The following NSD1 variants were observed in gnomAD, a reference collection of about 807,000 sequenced individuals.
NSD1 encodes histone-lysine N-methyltransferase, H3 lysine-36 specific.
In NSD1, 26 loss-of-function variants were observed where a neutral mutation model predicts 242.7. That is an observed-to-expected ratio of 0.11 (90% CI 0.08 to 0.15). The LOEUF (loss-of-function observed/expected upper bound fraction) is 0.15. NSD1 is among the 10% of genes least tolerant of loss of function. NSD1 has a pLI of 1.00. For synonymous variants in NSD1, 1,106 were observed against 1,178.1 expected (o/e 0.94, Z 1.25); for missense variants, 2,495 against 3,272.8 (o/e 0.76, Z 5.80).
chr5:177,266,488 T>C, intron 14 of NSD1: 2 of 623,922 alleles, frequency 3.2e-6, no homozygotes, highest in Non-Finnish European at 5.9e-6. Flanking sequence ...GTCAAAGTAG[T>C]AATCTTTGGA....
chr5:177,137,854 T>C (rs1012262013), intron 2 of NSD1, among the ~76,000 whole-genome samples: 24 of 151,608 alleles, frequency 1.6e-4, no homozygotes, highest in African/African-American at 5.8e-4. Context: ...GAGGCTGAGG[T>C]GGACAGATCA....
intron 11 of NSD1, 62 bp from the exon 12 acceptor site, chr5:177,251,668 C>A: frequency 6.3e-7 from 1 of 1,576,684 alleles, no homozygotes; most frequent in Non-Finnish European, 8.7e-7. Flanking sequence ...CCCACTGACA[C>A]TGGTTTTACT....
chr5:177,191,012 C>T (rs1192156741), intron 2 of NSD1, among the ~76,000 whole-genome samples: 1 of 135,178 alleles, frequency 7.4e-6, no homozygotes, highest in Non-Finnish European at 1.6e-5. Flanking sequence ...TCTCTGTCGC[C>T]GAGGCTAAAG....
chr5:177,163,879 C>T (rs1384986623), intron 2 of NSD1, among the ~76,000 whole-genome samples: 2 of 152,180 alleles, frequency 1.3e-5, no homozygotes, highest in African/African-American at 4.8e-5. Flanking sequence ...AGAGCATTTA[C>T]TTTCTGTTAG....
chr5:177,284,080 C>G, intron 20 of NSD1, 152 bp downstream of exon 20: 1 of 923,096 alleles, frequency 1.1e-6, no homozygotes, highest in Non-Finnish European at 1.7e-6. Flanking sequence ...ACCATCACCA[C>G]CATCCGTCTC....
chr5:177,263,572 T>G (rs1757161687), intron 14 of NSD1, among the ~76,000 whole-genome samples: 1 of 152,230 alleles, frequency 6.6e-6, no homozygotes, highest in East Asian at 1.9e-4. Flanking sequence ...TTATTATATC[T>G]TGTCCATGAA....
chr5:177,170,541 C>T (rs369128182), intron 2 of NSD1, among the ~76,000 whole-genome samples: 2 of 151,668 alleles, frequency 1.3e-5, no homozygotes, highest in African/African-American at 4.8e-5. Flanking sequence ...TTAGTAGAGA[C>T]GGGGTTTCAC....
chr5:177,292,383 C>T (rs1464531454), intron 22 of NSD1, among the ~76,000 whole-genome samples: 1 of 152,196 alleles, frequency 6.6e-6, no homozygotes, highest in Admixed American at 6.5e-5. Context: ...AGGTCCTTTA[C>T]TTACAGTCAT....
At chr5:177,182,954 TAAGTA>T (rs1562167028) in intron 2 of NSD1, among the ~76,000 whole-genome samples, 1 of 152,126 alleles carries the variant, frequency 6.6e-6, no homozygotes, top group African/African-American at 2.4e-5. Flanking sequence ...TTTGTTTTTT[TAAGTA>T]AAGATGAGGT....
intron 2 of NSD1, among the ~76,000 whole-genome samples, chr5:177,185,779 T>G (rs1249433682): frequency 4.4e-5 from 2 of 45,140 alleles, no homozygotes; most frequent in South Asian, 1.5e-3. Flanking sequence ...TTATATATTA[T>G]ATATGTATAT....
upstream of NSD1, among the ~76,000 whole-genome samples, chr5:177,131,799 G>A (rs1755908604): frequency 6.6e-6 from 1 of 152,274 alleles, no homozygotes; most frequent in Non-Finnish European, 1.5e-5. Context: ...GGTGCCCTCA[G>A]CTTGAGATGG....
At chr5:177,138,585 A>T (rs1756545402) in intron 2 of NSD1, among the ~76,000 whole-genome samples, 1 of 151,764 alleles carries the variant, frequency 6.6e-6, no homozygotes, top group African/African-American at 2.4e-5. Context: ...AATTTGGTTC[A>T]AAGTTGTGAT....
At chr5:177,257,827 AT>A (rs1423491046) in intron 13 of NSD1, among the ~76,000 whole-genome samples, 2 of 147,204 alleles carry the variant, frequency 1.4e-5, no homozygotes, top group South Asian at 2.1e-4. Context: ...TTTTTATTTT[AT>A]TTTATTTTAT....
intron 2 of NSD1, among the ~76,000 whole-genome samples, chr5:177,167,419 C>T (rs1759297105): frequency 1.3e-5 from 2 of 152,052 alleles, no homozygotes; most frequent in Admixed American, 6.6e-5. Flanking sequence ...CCTGTAATCC[C>T]AGCTACTTGG....
rs2149846693 is a variant in NSD1, at chr5:177,211,355, G to A, written c.2956G>A (p.Ala986Thr). 6.2e-7 allele frequency: 1 copy of A among 1,614,110 alleles called. No homozygotes were observed. Among genetic ancestry groups the A allele is most frequent in the Non-Finnish European group, 8.5e-7 (1 of 1,180,032 alleles). Residue 986 changes from alanine (A) to threonine (T), a missense_variant, in exon 5 of 23, where the codon GCA becomes ACA. Transcript: ENST00000439151. ...ANPSPSGGDS[A>T]LSGELSASLP... Reference sequence around the variant, plus strand: ...TCCTAGCCCTAGTGGGGGTGACTCTGCATTATCTGGCGAGTTGTCTGCTTC... The same window carrying A: ...TCCTAGCCCTAGTGGGGGTGACTCTACATTATCTGGCGAGTTGTCTGCTTC...
At chr5:177,266,348 A>G in intron 14 of NSD1, 1 of 707,194 alleles carries the variant, frequency 1.4e-6, no homozygotes, top group Non-Finnish European at 2.7e-6. Flanking sequence ...CTCGATGCCG[A>G]TGACCTTGCG....
rs776847601 is a variant in NSD1 at position 177,295,173 on chromosome 5, C to T, written c.7805C>T (p.Ser2602Phe). The T allele has an allele frequency of 3.7e-6, 6 of 1,614,190 alleles. No homozygotes were observed. Among genetic ancestry groups the T allele is most frequent in the Non-Finnish European group, 5.1e-6 (6 of 1,180,024 alleles). Residue 2602 changes from serine (S) to phenylalanine (F), a missense_variant, in exon 23 of 23, where the codon TCT becomes TTT. Ser to Phe is a radical substitution (Grantham distance 155, BLOSUM62 -2). Transcript: ENST00000439151. The surrounding 1 kb of genome is among the most constrained non-coding windows in gnomAD (Gnocchi z 4.3). ...GCCAAGAGTGGGCAATCTTTTAGGT[C>T]TCTCGGGAAGGCCCCAGCCTCCCTC... ...LAAKSGQSFR[S>F]LGKAPASLPT...
rs797045813 is a variant in NSD1 at position 177,211,947 on chromosome 5, C to CTTA, written c.3549_3550insTAT (p.Ser1183_Glu1184insTyr). On this transcript the variant is annotated inframe_insertion, in exon 5 of 23. Coordinates refer to ENST00000439151, the MANE Select transcript of NSD1 (RefSeq NM_022455.5). Reference sequence around the variant, plus strand: ...AACAGATTTAAAGAGAAAGAAAACTCTGAGTGTGCCTTTAGGGTCTTACTT... The same window carrying CTTA: ...AACAGATTTAAAGAGAAAGAAAACTCTTATGAGTGTGCCTTTAGGGTCTTACTT... The CTTA allele has an allele frequency of 6.2e-7, 1 of 1,605,000 alleles. No homozygotes were observed. The highest frequency in any genetic ancestry group is 1.3e-5 in the African/African-American group (1 of 74,358).
chr5:177,151,130 C>T (rs190534666), intron 2 of NSD1, among the ~76,000 whole-genome samples: 40 of 152,294 alleles, frequency 2.6e-4, no homozygotes, highest in Non-Finnish European at 4.4e-5. Context: ...ATAATCCCAG[C>T]ACTTTGGGAG....
Sources: gnomAD v4.1 joint callset for allele counts (sites outside exome capture counted in the v4.1 genomes callset) on GRCh38, gnomAD v4.1.1 for gene constraint, Gnocchi (gnomAD v3.1) non-coding constraint, MANE v1.5 for transcripts, NCBI Gene and HGNC (gene_info 2026-07-23, HGNC 2026-07-21) for gene names.